The following NUB1 variants were observed in gnomAD, a reference collection of about 807,000 sequenced individuals.
NUB1 encodes the protein NEDD8 ultimate buster 1.
Under a neutral mutation model 77.1 loss-of-function variants are expected in NUB1, and 41 were observed. The ratio of observed to expected loss-of-function variants is 0.53; its 90% confidence interval spans 0.41 to 0.69. The LOEUF (loss-of-function observed/expected upper bound fraction) is 0.69. NUB1 is among the 30% of genes least tolerant of loss of function. NUB1 has a pLI of 0.00. For synonymous variants in NUB1, 257 were observed against 281.0 expected, an observed-to-expected ratio of 0.91 and a Z score of 0.85; for missense variants, 643 against 743.8, an observed-to-expected ratio of 0.86 and a Z score of 1.58.
At chr7:151,362,627 G>T (rs573745647) in intron 8 of NUB1, among the ~76,000 whole-genome samples, 9 of 152,332 alleles carry the variant, frequency 5.9e-5, no homozygotes, top group Non-Finnish European at 7.4e-5. Context: ...TTACGGGGCA[G>T]GGAGGGCAAA....
chr7:151,371,526 T>TA (rs1181350882), intron 11 of NUB1, among the ~76,000 whole-genome samples: 5 of 151,976 alleles, frequency 3.3e-5, no homozygotes, highest in African/African-American at 4.8e-5. Context: ...TGGCAAGAGA[T>TA]AGAGGGTTGC....
chr7:151,374,196 CA>C lies in NUB1; in HGVS notation c.1349del (p.Gln450ArgfsTer15), dbSNP rs757021231. The C allele has an allele frequency of 6.4e-7, 1 of 1,571,654 alleles. No homozygotes were observed. Among genetic ancestry groups the C allele is most frequent in the Non-Finnish European group, 8.6e-7 (1 of 1,158,910 alleles). On this transcript the variant is annotated frameshift_variant, in exon 12 of 15. Transcript: ENST00000568733. LOFTEE classifies it high-confidence loss of function. ...KGMGYSTHAAQQVLHAASGNL... is the reference protein window; with the variant it reads ...KGMGYSTHAAXQVLHAASGNL... ...GATGGGCTACTCCACGCACGCGGCC[CA>C]GCAGGTACTCCACGCAGCCAGCGGG...
At chr7:151,347,444 G>C (rs527611403) in intron 2 of NUB1, among the ~76,000 whole-genome samples, 1 of 151,940 alleles carries the variant, frequency 6.6e-6, no homozygotes, top group African/African-American at 2.4e-5. Flanking sequence ...ATAGGTTTAT[G>C]TTACTTACAA....
chr7:151,376,416 G>A (rs1297789729), intron 13 of NUB1: 1 of 552,644 alleles, frequency 1.8e-6, no homozygotes, highest in Non-Finnish European at 3.2e-6. Context: ...CCTGTCCTGA[G>A]ATGGCTGCTC....
At chr7:151,370,408 G>A (rs1053114976) in intron 11 of NUB1, among the ~76,000 whole-genome samples, 5 of 152,244 alleles carry the variant, frequency 3.3e-5, no homozygotes, top group African/African-American at 1.2e-4. Context: ...AGTTCTGTGT[G>A]TTTGAGTTTT....
chr7:151,358,551 G>T (rs756594711), intron 7 of NUB1, among the ~76,000 whole-genome samples: 4 of 152,162 alleles, frequency 2.6e-5, no homozygotes, highest in Non-Finnish European at 4.4e-5. Context: ...AGGGATCTAG[G>T]CTGTGCACTC....
In NUB1 at chr7:151,345,371, C is replaced by A; in HGVS notation, c.22C>A (p.Gln8Lys). The A allele has an allele frequency of 6.2e-7, 1 of 1,611,294 alleles. No individual in the cohort carries two copies. The highest frequency in any genetic ancestry group is 8.5e-7 in the Non-Finnish European group (1 of 1,178,210). MAQKKYLQAKLTQFLRED... is the reference protein window; with the variant it reads MAQKKYLKAKLTQFLRED... ...AGGGATGGCACAAAAGAAATATCTT[C>A]AAGCAAAATTGACCCAGTTTTTAAG... Residue 8 changes from glutamine (Q) to lysine (K), a missense_variant, in exon 2 of 15, where the codon CAA (glutamine) becomes AAA (lysine). By Grantham distance (53) the Gln-to-Lys change is moderately conservative (BLOSUM62 1). Transcript: ENST00000568733.
chr7:151,352,307 G>A (rs2150672836), intron 4 of NUB1: 2 of 358,596 alleles, frequency 5.6e-6, no homozygotes, highest in Admixed American at 3.5e-5. Context: ...AGTTTAAAAA[G>A]GACCTTGTCT....
intron 5 of NUB1, among the ~76,000 whole-genome samples, chr7:151,353,470 G>A (rs1796913259): frequency 6.6e-6 from 1 of 152,134 alleles, no homozygotes; most frequent in Admixed American, 6.6e-5. Flanking sequence ...GTGGGTGGAG[G>A]CTAGGGATGC....
intron 11 of NUB1, among the ~76,000 whole-genome samples, chr7:151,370,812 C>T (rs182546942): frequency 2.7e-5 from 4 of 150,802 alleles, no homozygotes; most frequent in African/African-American, 7.3e-5. Context: ...TTTGTTCTTG[C>T]GATAGTTTAC....
intron 2 of NUB1, among the ~76,000 whole-genome samples, chr7:151,348,110 C>T (rs936994743): frequency 6.6e-6 from 1 of 152,168 alleles, no homozygotes; most frequent in Non-Finnish European, 1.5e-5. Context: ...TGAGCATCTC[C>T]AGATGCTGAA....
At position 151,367,059 on chromosome 7, in the gene NUB1, A is replaced by G. The variant is rs1220057035; in HGVS notation, c.921A>G (p.Leu307=). 2 of 1,613,842 alleles carry G rather than the reference A, an allele frequency of 1.2e-6. No individual in the cohort carries two copies. The highest frequency in any genetic ancestry group is 2.7e-5 in the African/African-American group (2 of 74,926). Residue 307 remains leucine (L), a synonymous_variant, in exon 9 of 15, where the codon TTA becomes TTG. Transcript: ENST00000568733. ...GCCTTGATGATGCAGAAAAAAAATT[A>G]AACTTGGCCCAGAAATGCTTTAAAA... ...LECLDDAEKK[L]NLAQKCFKNC...
intron 11 of NUB1, among the ~76,000 whole-genome samples, chr7:151,373,445 C>T (rs12668261): frequency 0.44 from 67,368 of 151,998 alleles, 16,116 homozygotes; most frequent in Non-Finnish European, 0.55. Flanking sequence ...CCTCTGCAGC[C>T]GTCCTGCGCT....
chr7:151,376,525 C>T, intron 13 of NUB1, 109 bp from the exon 14 acceptor site: 2 of 1,052,428 alleles, frequency 1.9e-6, no homozygotes, highest in Non-Finnish European at 2.7e-6. Flanking sequence ...CCATGGTGCA[C>T]ACGCCGGGAG....
At chr7:151,351,202 C>A in intron 3 of NUB1, 1 of 534,526 alleles carries the variant, frequency 1.9e-6, no homozygotes, top group Non-Finnish European at 3.3e-6. Flanking sequence ...CTCTGAGCAG[C>A]CCTGCCTGGT....
intron 7 of NUB1, among the ~76,000 whole-genome samples, chr7:151,358,207 C>T (rs980914226): frequency 2.0e-5 from 3 of 148,034 alleles, no homozygotes; most frequent in Admixed American, 6.7e-5. Context: ...CTCTTGACCT[C>T]GTGATCCGCC....
intron 7 of NUB1, 99 bp from the exon 8 acceptor site, chr7:151,360,042 A>C: frequency 1.7e-6 from 1 of 585,866 alleles, no homozygotes; most frequent in Admixed American, 3.1e-5. Context: ...TCTTGTTTTC[A>C]TTTTTTTTAC....
chr7:151,348,478 C>T (rs1199791933), intron 2 of NUB1, among the ~76,000 whole-genome samples: 1 of 151,194 alleles, frequency 6.6e-6, no homozygotes, highest in Non-Finnish European at 1.5e-5. Context: ...CCCTTTTCTT[C>T]TCCTTAGAAG....
At position 151,375,198 on chromosome 7, in the gene NUB1, A is replaced by T. The variant is rs146624264; in HGVS notation, c.1396-650A>T. Among the ~76,000 whole-genome samples the T allele has an allele frequency of 7.6e-3, 1,163 of 152,352 alleles. 17 individuals carry two copies. Among genetic ancestry groups the T allele is most frequent in the African/African-American group, 0.027 (1,125 of 41,566 alleles). On this transcript the variant is annotated intron_variant, in intron 12 of 14. Coordinates refer to ENST00000568733, the MANE Select transcript of NUB1 (RefSeq NM_001243351.2). ...AGTCAGTACTTTTGTAACTATGTAC[A>T]TGTATATTTAACATATACGTTAAAT... is the stretch of plus-strand genomic sequence containing the variant.
Sources: allele counts gnomAD v4.1 joint callset (sites outside exome capture counted in the v4.1 genomes callset), GRCh38; gene constraint gnomAD v4.1.1; transcripts MANE v1.5; gene names NCBI Gene and HGNC (gene_info 2026-07-23, HGNC 2026-07-21).